Variants in ATXN10 observed in about 807,000 individuals in gnomAD.
The protein encoded by ATXN10 is ataxin-10.
A neutral mutation model predicts 52.9 loss-of-function variants in ATXN10; 28 were observed. The observed-to-expected ratio is 0.53, with a 90% CI of 0.39 to 0.73. The LOEUF (loss-of-function observed/expected upper bound fraction) is 0.73, where lower values mean the gene tolerates loss of function less well. ATXN10 is among the 30% of genes least tolerant of loss of function. The probability of loss-of-function intolerance (pLI) is 0.00; values close to 1 mark genes in which losing one functional copy is unlikely to be tolerated. For synonymous variants in ATXN10, 226 were observed against 221.5 expected, an observed-to-expected ratio of 1.02 and a Z score of -0.18; for missense variants, 565 against 577.0, an observed-to-expected ratio of 0.98 and a Z score of 0.21.
In ATXN10 at chr22:45,828,292, C is replaced by A. The variant is rs1446163348; in HGVS notation, c.1238-14699C>A. ...CTTATGGGACACAGCAAAAATAATGCTAAGGGGGAAATTTTATAGCTATAA... is the reference window on the plus strand; with the variant it reads ...CTTATGGGACACAGCAAAAATAATGATAAGGGGGAAATTTTATAGCTATAA... On this transcript the variant is annotated intron_variant, in intron 10 of 11. Transcript: ENST00000252934. This position sits in a 1 kb window ranked among gnomAD's most constrained non-coding sequence, Gnocchi z 4.5. 6.6e-6 allele frequency among the ~76,000 whole-genome samples: 1 copy of A among 150,470 alleles called. No individual in the cohort carries two copies. Among genetic ancestry groups the A allele is most frequent in the Non-Finnish European group, 1.5e-5 (1 of 67,570 alleles).
chr22:45,840,579 G>A lies in ATXN10; in HGVS notation c.1238-2412G>A, dbSNP rs867399477. ...TTGTCAGAGGCTGAGAGATGAGGGC[G>A]CCTGGCAGGAGAGGTGGGTAGGGGC... On this transcript the variant is annotated intron_variant, in intron 10 of 11. Coordinates refer to ENST00000252934, the MANE Select transcript of ATXN10 (RefSeq NM_013236.4). This position sits in a 1 kb window ranked among gnomAD's most constrained non-coding sequence, Gnocchi z 5.8. 1.3e-5 allele frequency among the ~76,000 whole-genome samples: 2 copies of A among 152,264 alleles called. No homozygotes were observed. The highest frequency in any genetic ancestry group is 1.9e-4 in the East Asian group (1 of 5,174).
chr22:45,841,071 T>C lies in ATXN10; in HGVS notation c.1238-1920T>C, dbSNP rs1929332004. 6.6e-6 allele frequency among the ~76,000 whole-genome samples: 1 copy of C among 152,062 alleles called. No homozygotes were observed. The highest frequency in any genetic ancestry group is 2.4e-5 in the African/African-American group (1 of 41,298). On this transcript the variant is annotated intron_variant, in intron 10 of 11. Transcript: ENST00000252934. This position sits in a 1 kb window ranked among gnomAD's most constrained non-coding sequence, Gnocchi z 5.1. ...GCTTGATACCGGGGCTCGTTATCTT[T>C]ATTCTCTATACTGGCACAAAGTGGG...
chr22:45,693,575 A>G (rs1044164090), intron 3 of ATXN10, among the ~76,000 whole-genome samples: 1 of 152,128 alleles, frequency 6.6e-6, no homozygotes, highest in Non-Finnish European at 1.5e-5. Context: ...GTCACTTCCC[A>G]AAGGCCCCAT....
chr22:45,806,392 TTGG>T (rs1928100175), intron 9 of ATXN10, among the ~76,000 whole-genome samples: 1 of 152,242 alleles, frequency 6.6e-6, no homozygotes, highest in Non-Finnish European at 1.5e-5. Flanking sequence ...TATTGTATTG[TTGG>T]TGGTGTTTAA....
chr22:45,793,656 C>A, intron 9 of ATXN10: 1 of 1,404,774 alleles, frequency 7.1e-7, no homozygotes, highest in Non-Finnish European at 9.3e-7. Flanking sequence ...GCCAAGGATG[C>A]AGGTGCCACA....
chr22:45,689,907 G>A lies in ATXN10; in HGVS notation c.308+4G>A, dbSNP rs1292360958. 2 of 1,613,416 alleles carry A rather than the reference G, an allele frequency of 1.2e-6. No individual in the cohort carries two copies. Among genetic ancestry groups the A allele is most frequent in the African/African-American group, 2.7e-5 (2 of 74,918 alleles). On this transcript the variant is annotated splice_donor_region_variant and intron_variant, in intron 2 of 11. Coordinates refer to ENST00000252934, the MANE Select transcript of ATXN10 (RefSeq NM_013236.4). ...CTGTGAACCAGAATTCAATCAGGTAGTTACACACGTACCTTGGATTCTGTT... is the reference window on the plus strand; with the variant it reads ...CTGTGAACCAGAATTCAATCAGGTAATTACACACGTACCTTGGATTCTGTT...
chr22:45,793,554 C>T, intron 9 of ATXN10: 1 of 1,268,424 alleles, frequency 7.9e-7, no homozygotes, highest in South Asian at 3.7e-5. Context: ...GCTCTTCAAT[C>T]TTTCTGTGAC....
rs1213821885 is a variant in ATXN10 at position 45,842,961 on chromosome 22, C to T, written c.1238-30C>T. The T allele has an allele frequency of 1.1e-5, 18 of 1,601,852 alleles. No homozygotes were observed. In the East Asian group the frequency reaches 1.3e-4, roughly 12 times the overall value. ...TGTGAAGTTATCAAACAGGAAAGTA[C>T]GTTGTCACATTCCTTCACTCTGGCT... On this transcript the variant is annotated intron_variant, in intron 10 of 11. Transcript: ENST00000252934. The surrounding 1 kb of genome is among the most constrained non-coding windows in gnomAD (Gnocchi z 4.8).
intron 3 of ATXN10, among the ~76,000 whole-genome samples, chr22:45,699,295 A>G (rs553262162): frequency 3.9e-5 from 6 of 152,192 alleles, no homozygotes; most frequent in Middle Eastern, 6.8e-3. Flanking sequence ...TGTCTGGGAC[A>G]TCTTTAAGCC....
rs1925180448 is a variant in ATXN10, at chr22:45,733,795, C to G, written c.894+4205C>G. On this transcript the variant is annotated intron_variant, in intron 7 of 11. Coordinates refer to ENST00000252934, the MANE Select transcript of ATXN10 (RefSeq NM_013236.4). The surrounding 1 kb of genome is among the most constrained non-coding windows in gnomAD (Gnocchi z 4.4). ...AGTTACAAAGTTTTCCCCTTTTTGC[C>G]CAGCCTCCATTTGTTTTCTATAGAT... is the stretch of plus-strand genomic sequence containing the variant. Among the ~76,000 whole-genome samples the G allele has an allele frequency of 6.7e-6, 1 of 149,924 alleles. No individual in the cohort carries two copies. The highest frequency in any genetic ancestry group is 2.4e-5 in the African/African-American group (1 of 41,052).
chr22:45,801,839 C>T (rs1292075814), intron 9 of ATXN10, among the ~76,000 whole-genome samples: 1 of 152,174 alleles, frequency 6.6e-6, no homozygotes, highest in African/African-American at 2.4e-5. Flanking sequence ...TTGCCATTTC[C>T]TGTGGTCTCA....
rs1174307917 is a variant in ATXN10 at position 45,769,624 on chromosome 22, A to G, written c.1173+29086A>G. 2.0e-5 allele frequency among the ~76,000 whole-genome samples: 3 copies of G among 152,206 alleles called. No individual in the cohort carries two copies. Among genetic ancestry groups the G allele is most frequent in the Non-Finnish European group, 2.9e-5 (2 of 68,024 alleles). The stretch of plus-strand genomic sequence containing the variant: ...GGTCAGTATAGGTTTGGCTGAAGCT[A>G]GAGAGAATCTCAAATAGACTTGGTC... On this transcript the variant is annotated intron_variant, in intron 9 of 11. Coordinates refer to ENST00000252934, the MANE Select transcript of ATXN10 (RefSeq NM_013236.4). This position sits in a 1 kb window ranked among gnomAD's most constrained non-coding sequence, Gnocchi z 4.2.
Position 45,815,777 on chromosome 22 carries a change from G to T in ATXN10, c.1237+8755G>T, listed in dbSNP as rs191536632. The stretch of plus-strand genomic sequence containing the variant: ...AAACCCAGCTTTCTCTCACTCCAAG[G>T]CTTTGGTCCTAATTCAGACGTTTAA... On this transcript the variant is annotated intron_variant, in intron 10 of 11. Transcript: ENST00000252934. Among the ~76,000 whole-genome samples, 326 of 152,250 alleles carry T rather than the reference G, an allele frequency of 2.1e-3. 1 individual carries two copies. Among genetic ancestry groups the T allele is most frequent in the African/African-American group, 7.6e-3 (314 of 41,548 alleles).
In ATXN10 at chr22:45,784,191, G is replaced by A. The variant is rs370604730; in HGVS notation, c.1174-22768G>A. Among the ~76,000 whole-genome samples, 21 of 152,186 alleles carry A rather than the reference G, an allele frequency of 1.4e-4. No homozygotes were observed. The Middle Eastern group carries it at 0.014, about 99-fold the overall frequency. On this transcript the variant is annotated intron_variant, in intron 9 of 11. Transcript: ENST00000252934. The surrounding 1 kb of genome is among the most constrained non-coding windows in gnomAD (Gnocchi z 4.2). ...TGTGGTACAATTTTTAAAAAAAAATGTACATTTTTAAATTAGGCAGATCTG... is the reference window on the plus strand; with the variant it reads ...TGTGGTACAATTTTTAAAAAAAAATATACATTTTTAAATTAGGCAGATCTG...
rs1601587932 is a variant in ATXN10 at position 45,686,233 on chromosome 22, G to A, written c.117-3479G>A. ...TGCTTGGATTACATAGCAAGGCTGT[G>A]ATGCAGTCAGGGGCCACTTTTGAGT... On this transcript the variant is annotated intron_variant, in intron 1 of 11. Coordinates refer to ENST00000252934, the MANE Select transcript of ATXN10 (RefSeq NM_013236.4). 3.3e-5 allele frequency among the ~76,000 whole-genome samples: 5 copies of A among 152,300 alleles called. 1 individual carries two copies. The highest frequency in any genetic ancestry group is 3.3e-4 in the Admixed American group (5 of 15,306).
At chr22:45,702,550 TCTA>T (rs748867475) in intron 4 of ATXN10, 136 bp from the exon 5 acceptor site, 4 of 725,412 alleles carry the variant, frequency 5.5e-6, no homozygotes, top group South Asian at 1.9e-5. Flanking sequence ...CAGTAAATAA[TCTA>T]CTTATTTTAA....
At position 45,682,479 on chromosome 22, in the gene ATXN10, T is replaced by A. The variant is rs78840627; in HGVS notation, c.117-7233T>A. Among the ~76,000 whole-genome samples the A allele has an allele frequency of 5.5e-3, 839 of 151,934 alleles. 11 individuals are homozygous for A. The highest frequency in any genetic ancestry group is 0.019 in the African/African-American group (795 of 41,530). ...TCCACCACCACACCCGGCTATTTTTTAAATTTTTTTTGTAGAGACAGGGTC... is the reference window on the plus strand; with the variant it reads ...TCCACCACCACACCCGGCTATTTTTAAAATTTTTTTTGTAGAGACAGGGTC... On this transcript the variant is annotated intron_variant, in intron 1 of 11. Coordinates refer to ENST00000252934, the MANE Select transcript of ATXN10 (RefSeq NM_013236.4).
chr22:45,811,387 A>T (rs1394566754), intron 10 of ATXN10, among the ~76,000 whole-genome samples: 1 of 152,140 alleles, frequency 6.6e-6, no homozygotes, highest in Non-Finnish European at 1.5e-5. Context: ...TTTCTTGTAT[A>T]AAGTATATAC....
chr22:45,702,799 C>T lies in ATXN10; in HGVS notation c.599C>T (p.Ala200Val), dbSNP rs1449355138. The T allele has an allele frequency of 2.5e-6, 4 of 1,613,784 alleles. No homozygotes were observed. Among genetic ancestry groups the T allele is most frequent in the African/African-American group, 1.3e-5 (1 of 74,902 alleles). ...GAACTGGAGGAGAACCTCAATATTG[C>T]AATTGATGTCATAGATGCTTACCAA... ...MKELEENLNI[A>V]IDVIDAYQKH... Residue 200 changes from alanine to valine, a missense_variant, in exon 5 of 12, where the codon GCA (alanine) becomes GTA (valine). Coordinates refer to ENST00000252934, the MANE Select transcript of ATXN10 (RefSeq NM_013236.4).
Sources: allele counts gnomAD v4.1 joint callset (sites outside exome capture counted in the v4.1 genomes callset), GRCh38; gene constraint gnomAD v4.1.1; non-coding constraint Gnocchi (gnomAD v3.1); transcripts MANE v1.5; gene names NCBI Gene and HGNC (gene_info 2026-07-23, HGNC 2026-07-21).